HMMR: variants seen among roughly 807,000 people sequenced by gnomAD.
The protein encoded by HMMR is hyaluronan mediated motility receptor.
A neutral mutation model predicts 101.0 loss-of-function variants in HMMR; 108 were observed. The ratio of observed to expected loss-of-function variants is 1.07; its 90% CI spans 0.92 to 1.25. The LOEUF (loss-of-function observed/expected upper bound fraction) is 1.25. Among genes scored for constraint, HMMR ranks in the 50% most tolerant of loss-of-function variants. The pLI is 0.00. For synonymous variants in HMMR, 296 were observed against 276.4 expected (o/e 1.07, Z -0.70); for missense variants, 813 against 788.7 (o/e 1.03, Z -0.37).
At chr5:163,481,485 C>A (rs1464456976) in intron 12 of HMMR, among the ~76,000 whole-genome samples, 3 of 152,138 alleles carry the variant, frequency 2.0e-5, no homozygotes, top group Admixed American at 2.0e-4. Flanking sequence ...GCTCCATATT[C>A]ACATATCCAG....
intron 3 of HMMR, among the ~76,000 whole-genome samples, chr5:163,466,410 T>C (rs1758710007): frequency 6.6e-6 from 1 of 152,238 alleles, no homozygotes; most frequent in Non-Finnish European, 1.5e-5. Flanking sequence ...AGCTATGTTG[T>C]TCTGTATGGA....
intron 16 of HMMR, among the ~76,000 whole-genome samples, chr5:163,488,911 G>T (rs1581204986): frequency 4.0e-5 from 6 of 151,872 alleles, no homozygotes; most frequent in Admixed American, 3.9e-4. Context: ...TGTTCAGCCT[G>T]TATCTTAAAT....
At chr5:163,489,266 C>T (rs1207111753) in intron 16 of HMMR, 2 of 152,306 alleles carry the variant, frequency 1.3e-5, no homozygotes, top group African/African-American at 2.4e-5. Flanking sequence ...GCTCTGCAGC[C>T]GGGTTCCTAA....
At chr5:163,468,788 T>C (rs955658498) in intron 4 of HMMR, among the ~76,000 whole-genome samples, 1 of 151,036 alleles carries the variant, frequency 6.6e-6, no homozygotes, top group Non-Finnish European at 1.5e-5. Flanking sequence ...TATAGAATTT[T>C]AGGGTGGCAG....
intron 5 of HMMR, among the ~76,000 whole-genome samples, chr5:163,470,887 AG>A (rs1758864259): frequency 6.6e-6 from 1 of 152,106 alleles, no homozygotes; most frequent in South Asian, 2.1e-4. Flanking sequence ...CCAGCTACTC[AG>A]GAAGATGAGG....
chr5:163,470,742 AT>A (rs1758859324), intron 5 of HMMR, among the ~76,000 whole-genome samples: 1 of 152,176 alleles, frequency 6.6e-6, no homozygotes, highest in Non-Finnish European at 1.5e-5. Context: ...TATTTCCAGC[AT>A]TTTGGAAGGC....
chr5:163,463,939 T>C lies in HMMR; in HGVS notation c.130T>C (p.Phe44Leu). The change falls in exon 2 of 18, where the codon TTT becomes CTT. Residue 44 changes from phenylalanine to leucine, a missense_variant. Phe to Leu is a conservative substitution (Grantham distance 22, BLOSUM62 0). Transcript: ENST00000393915. ...AGTATCCTTTCAGAAATCACAAAGA[T>C]TTAAACAACAAAAAGGTAATATAGA... ...GPVSFQKSQR[F>L]KQQKESKQNL... The C allele has an allele frequency of 7.6e-7, 1 of 1,316,128 alleles. No individual in the cohort carries two copies. The highest frequency in any genetic ancestry group is 1.5e-5 in the South Asian group (1 of 66,060). The allele number at this position is 1,316,128 out of a possible 1,614,324, so 81.5% of individuals were successfully genotyped here.
chr5:163,467,605 G>A, intron 3 of HMMR, 96 bp from the exon 4 acceptor site: 1 of 652,464 alleles, frequency 1.5e-6, no homozygotes, highest in Admixed American at 2.4e-5. Flanking sequence ...CTAACTGATT[G>A]GATCCCTTCA....
Position 163,474,005 on chromosome 5 carries a change from G to A in HMMR, c.905-52G>A, listed in dbSNP as rs189760157. On this transcript the variant is annotated intron_variant, in intron 9 of 17. Coordinates refer to ENST00000393915, the MANE Select transcript of HMMR (RefSeq NM_001142556.2). ...ATATTATGGGAGTCCAGGTTTCTCA[G>A]TCTTAATGTTCTTATCTAATTCCAG... 6.8e-6 allele frequency: 10 copies of A among 1,474,336 alleles called. No individual in the cohort carries two copies. In the East Asian group the frequency reaches 1.2e-4, roughly 17 times the overall value. 91.3% of individuals were successfully genotyped at this position (1,474,336 alleles called of 1,614,324 possible).
rs944697913 is a variant in HMMR, at chr5:163,461,040, G to C, written c.46+302G>C. ...AGGGCGAAGGGAATGGACCCGAGACGTTGGTAGCTACTTGATTTTCAAGTC... is the reference window on the plus strand; with the variant it reads ...AGGGCGAAGGGAATGGACCCGAGACCTTGGTAGCTACTTGATTTTCAAGTC... On this transcript the variant is annotated intron_variant, in intron 1 of 17. Coordinates refer to ENST00000393915, the MANE Select transcript of HMMR (RefSeq NM_001142556.2). 9.2e-5 allele frequency among the ~76,000 whole-genome samples: 14 copies of C among 152,174 alleles called. 1 individual carries two copies. The highest frequency in any genetic ancestry group is 3.4e-4 in the African/African-American group (14 of 41,428).
intron 16 of HMMR, among the ~76,000 whole-genome samples, chr5:163,489,866 T>C (rs538029364): frequency 6.6e-6 from 1 of 152,350 alleles, no homozygotes; most frequent in Non-Finnish European, 1.5e-5. Context: ...CCTGTGCTTT[T>C]GGCTGTAGCC....
chr5:163,482,487 C>A (rs1448981683), intron 12 of HMMR, among the ~76,000 whole-genome samples, 155 bp from the exon 13 acceptor site: 2 of 152,018 alleles, frequency 1.3e-5, no homozygotes, highest in Non-Finnish European at 2.9e-5. Flanking sequence ...TTAGTACTTG[C>A]CTCAGAACAC....
At chr5:163,481,290 T>A (rs754450408) in intron 12 of HMMR, among the ~76,000 whole-genome samples, 3 of 151,226 alleles carry the variant, frequency 2.0e-5, no homozygotes, top group Non-Finnish European at 4.4e-5. Flanking sequence ...ATATAAATCA[T>A]ATAAATATAT....
intron 1 of HMMR, among the ~76,000 whole-genome samples, chr5:163,462,980 G>A (rs1010315928): frequency 6.6e-6 from 1 of 152,002 alleles, no homozygotes; most frequent in Non-Finnish European, 1.5e-5. Context: ...TAGCTTTTCA[G>A]AGAATAGTAT....
chr5:163,474,563 A>G (rs1367530368), intron 10 of HMMR: 1 of 456,954 alleles, frequency 2.2e-6, no homozygotes, highest in Non-Finnish European at 4.4e-6. Context: ...CAGATTATTT[A>G]TAGAACATTT....
At chr5:163,488,643 A>G (rs1454109021) in intron 16 of HMMR, among the ~76,000 whole-genome samples, 1 of 152,152 alleles carries the variant, frequency 6.6e-6, no homozygotes, top group Non-Finnish European at 1.5e-5. Flanking sequence ...CCCTGGGATG[A>G]CACTTGCTTT....
At position 163,474,098 on chromosome 5, in the gene HMMR, A is replaced by G. The variant is rs751042026; in HGVS notation, c.946A>G (p.Asn316Asp). 2 of 1,611,844 alleles carry G rather than the reference A, an allele frequency of 1.2e-6. No individual in the cohort carries two copies. The highest frequency in any genetic ancestry group is 4.5e-5 in the East Asian group (2 of 44,694). ...GAATAGAGAACACAACGAAAATCTA[A>G]ATGCAGAGATGCAAAACTTAAAACA... ...NRNREHNENL[N>D]AEMQNLKQKF... Residue 316 changes from asparagine (N) to aspartate (D), a missense_variant, in exon 10 of 18, where the codon AAT (asparagine) becomes GAT (aspartate). Transcript: ENST00000393915.
At chr5:163,481,688 C>T (rs968417792) in intron 12 of HMMR, among the ~76,000 whole-genome samples, 1 of 152,146 alleles carries the variant, frequency 6.6e-6, no homozygotes, top group Non-Finnish European at 1.5e-5. Flanking sequence ...CTTCCTTACC[C>T]CCAATATTCA....
chr5:163,465,176 A>G (rs983921972), intron 3 of HMMR: 1 of 199,780 alleles, frequency 5.0e-6, no homozygotes, highest in Non-Finnish European at 1.0e-5. Flanking sequence ...GAAAAGTGGG[A>G]AAAAATGCCA....
Sources: gnomAD v4.1 joint callset for allele counts (sites outside exome capture counted in the v4.1 genomes callset) on GRCh38, gnomAD v4.1.1 for gene constraint, MANE v1.5 for transcripts, NCBI Gene and HGNC (gene_info 2026-07-23, HGNC 2026-07-21) for gene names.